The following SECISBP2 variants were observed in gnomAD, a reference collection of about 807,000 sequenced individuals.
The protein encoded by SECISBP2 is SECIS binding protein 2.
A neutral mutation model predicts 98.2 loss-of-function variants in SECISBP2; 96 were observed. That is an observed-to-expected ratio of 0.98 (90% CI 0.83 to 1.16). The LOEUF is 1.16. Among genes scored for constraint, SECISBP2 ranks in the 50% most tolerant of loss-of-function variants. The pLI, the probability that SECISBP2 is intolerant of heterozygous loss-of-function variation, is 0.00. For synonymous variants in SECISBP2, 407 were observed against 370.2 expected (o/e 1.10, Z -1.14); for missense variants, 1,046 against 1,022.9 (o/e 1.02, Z -0.31).
At chr9:89,363,516 G>T (rs1315651063), downstream of SECISBP2, 4 of 1,614,046 alleles carry the variant, frequency 2.5e-6, no homozygotes, top group Non-Finnish European at 3.4e-6. Flanking sequence ...CACCTCTCCT[G>T]GTGGGTCACT....
chr9:89,327,902 C>A (rs1402355197), intron 4 of SECISBP2, among the ~76,000 whole-genome samples: 1 of 152,032 alleles, frequency 6.6e-6, no homozygotes, highest in Non-Finnish European at 1.5e-5. Context: ...CCTCTGCCTC[C>A]CAAGTTCAAG....
chr9:89,336,460 T>C (rs1828734497), intron 7 of SECISBP2, among the ~76,000 whole-genome samples: 1 of 152,180 alleles, frequency 6.6e-6, no homozygotes, highest in African/African-American at 2.4e-5. Flanking sequence ...AAATGTGGCC[T>C]TGTTTAGCGT....
intron 10 of SECISBP2, among the ~76,000 whole-genome samples, chr9:89,343,910 A>AC (rs1830037555): frequency 6.6e-6 from 1 of 152,184 alleles, no homozygotes; most frequent in African/African-American, 2.4e-5. Context: ...CTGCTGAATC[A>AC]CCACACTGCT....
Position 89,318,513 on chromosome 9 carries a change from C to A in SECISBP2, c.-64C>A, listed in dbSNP as rs1363649229. On this transcript the variant is annotated 5_prime_UTR_variant, in exon 1 of 17. It adds an upstream start codon to the 5' untranslated region. Coordinates refer to ENST00000375807, the MANE Select transcript of SECISBP2 (RefSeq NM_024077.5). Reference sequence around the variant, plus strand: ...GCCTGCGGGGGCGGAAACGCTTTGTCTGTCCGGCAAGCCGACGGCCCGCTG... The same window carrying A: ...GCCTGCGGGGGCGGAAACGCTTTGTATGTCCGGCAAGCCGACGGCCCGCTG... 1.3e-6 allele frequency: 2 copies of A among 1,492,446 alleles called. No homozygotes were observed. The highest frequency in any genetic ancestry group is 1.8e-6 in the Non-Finnish European group (2 of 1,116,652). 92.5% of individuals were successfully genotyped at this position (1,492,446 alleles called of 1,614,324 possible). A position where few individuals can be genotyped will look rare whatever the true frequency, so the allele number is the denominator to read the frequency against.
chr9:89,348,822 C>T (rs1003147214), intron 12 of SECISBP2, among the ~76,000 whole-genome samples: 1 of 152,250 alleles, frequency 6.6e-6, no homozygotes, highest in African/African-American at 2.4e-5. Context: ...TCTCTTTGTC[C>T]CCTTTCCTTC....
Position 89,359,048 on chromosome 9 carries a change from T to G in SECISBP2, c.*224T>G, listed in dbSNP as rs891445291. The G allele has an allele frequency of 2.3e-5, 13 of 556,342 alleles. No individual in the cohort carries two copies. The South Asian group carries it at 2.6e-4, about 11-fold the overall frequency. 34.5% of individuals were successfully genotyped at this position (556,342 alleles called of 1,614,324 possible). ...CAGGTGTTAATCTTCTCTAAAAGCC[T>G]GGTGATACAGCTCTGGCTTTCTGAG... is the stretch of plus-strand genomic sequence containing the variant. On this transcript the variant is annotated 3_prime_UTR_variant, in exon 17 of 17. Coordinates refer to ENST00000375807, the MANE Select transcript of SECISBP2 (RefSeq NM_024077.5).
intron 10 of SECISBP2, among the ~76,000 whole-genome samples, chr9:89,345,326 C>T (rs1276092776): frequency 1.3e-5 from 2 of 152,190 alleles, no homozygotes; most frequent in Non-Finnish European, 2.9e-5. Flanking sequence ...GCTTTGAATT[C>T]AGCAAGCCCC....
In SECISBP2 at chr9:89,348,153, T is replaced by C; in HGVS notation, c.1677T>C (p.Asp559=). The part of the protein sequence containing the change: ...ENAVSPAFTS[D]DTQDGESGGD... ...CTGTGAGTCCAGCTTTTACCAGTGATGACACACAAGATGGAGAGAGTGGTG... is the reference window on the plus strand; with the variant it reads ...CTGTGAGTCCAGCTTTTACCAGTGACGACACACAAGATGGAGAGAGTGGTG... Residue 559 remains aspartate (D), a synonymous_variant, in exon 12 of 17, where the codon GAT becomes GAC. Transcript: ENST00000375807. 6.2e-7 allele frequency: 1 copy of C among 1,614,174 alleles called. No homozygotes were observed. The highest frequency in any genetic ancestry group is 8.5e-7 in the Non-Finnish European group (1 of 1,179,978).
rs764096696 is a variant in SECISBP2 at position 89,350,664 on chromosome 9, A to C, written c.1925A>C (p.Asp642Ala). ...AGCCAGATGCTTAGTAAAGAAGTGGATGCTTGTGTTACCGACCTACTCAAA... is the reference window on the plus strand; with the variant it reads ...AGCCAGATGCTTAGTAAAGAAGTGGCTGCTTGTGTTACCGACCTACTCAAA... ...YCSQMLSKEV[D>A]ACVTDLLKEL... Residue 642 changes from aspartate to alanine, a missense_variant, in exon 14 of 17, where the codon GAT becomes GCT. Coordinates refer to ENST00000375807, the MANE Select transcript of SECISBP2 (RefSeq NM_024077.5). 1.7e-5 allele frequency: 28 copies of C among 1,614,026 alleles called. No individual in the cohort carries two copies.
Position 89,358,837 on chromosome 9 carries a change from G to GT in SECISBP2, c.*14dup. The GT allele has an allele frequency of 6.4e-7, 1 of 1,569,044 alleles. No homozygotes were observed. The highest frequency in any genetic ancestry group is 1.7e-4 in the Middle Eastern group (1 of 5,972). On this transcript the variant is annotated 3_prime_UTR_variant, in exon 17 of 17. Transcript: ENST00000375807. ...TTTGAATTTATGAGAGTTCTTGCCT[G>GT]TGTGTCTGTATTTTGGGTAAGGAGG...
chr9:89,327,473 C>T (rs1723357033), intron 4 of SECISBP2, among the ~76,000 whole-genome samples: 1 of 152,154 alleles, frequency 6.6e-6, no homozygotes, highest in Non-Finnish European at 1.5e-5. Context: ...AAAACACAAA[C>T]ATGCAGAAAA....
chr9:89,319,080 C>G (rs1191289389), intron 1 of SECISBP2: 1 of 994,458 alleles, frequency 1.0e-6, no homozygotes, highest in African/African-American at 1.7e-5. Context: ...AAATCTCTTA[C>G]TACGTCACTA....
chr9:89,340,025 A>C (rs1337723696), intron 9 of SECISBP2, 72 bp downstream of exon 9: 1 of 1,109,256 alleles, frequency 9.0e-7, no homozygotes, highest in Non-Finnish European at 1.4e-6. Context: ...CTTGAGAAAA[A>C]CTGCTTTCCA....
chr9:89,340,396 C>T (rs1829478263), intron 9 of SECISBP2, among the ~76,000 whole-genome samples: 1 of 152,178 alleles, frequency 6.6e-6, no homozygotes, highest in Non-Finnish European at 1.5e-5. Flanking sequence ...GATTCCCCTT[C>T]TCTACTCCAC....
At chr9:89,321,462 C>G (rs1030783472) in intron 2 of SECISBP2, among the ~76,000 whole-genome samples, 14 of 151,676 alleles carry the variant, frequency 9.2e-5, no homozygotes, top group African/African-American at 2.4e-4. Context: ...GTCAGGAGTT[C>G]AAGACGAGCC....
intron 10 of SECISBP2, 123 bp from the exon 11 acceptor site, chr9:89,346,759 G>C: frequency 9.8e-7 from 1 of 1,019,698 alleles, no homozygotes; most frequent in Non-Finnish European, 1.5e-6. Context: ...GTGGGGACAA[G>C]CTGGGGGTGA....
chr9:89,362,615 G>A (rs1185660775), downstream of SECISBP2, among the ~76,000 whole-genome samples: 1 of 152,232 alleles, frequency 6.6e-6, no homozygotes, highest in East Asian at 1.9e-4. Context: ...TGACAGGAAG[G>A]CAGAGCAGCA....
intron 1 of SECISBP2, 40 bp downstream of exon 1, chr9:89,318,652 T>C: frequency 7.2e-7 from 1 of 1,384,024 alleles, no homozygotes; most frequent in Non-Finnish European, 9.3e-7. Context: ...CCTCAGTCCG[T>C]CCGCCTGCCT....
In SECISBP2 at chr9:89,349,831, A is replaced by T. The variant is rs766221004; in HGVS notation, c.1794A>T (p.Glu598Asp). 3.1e-6 allele frequency: 5 copies of T among 1,614,114 alleles called. No homozygotes were observed. In the Admixed American group the frequency reaches 8.3e-5, roughly 27 times the overall value. ...CTCCTTCGGTTGAGGACAAGTCTGA[A>T]GAGCCACCAGGCACAGAGCTCCAGA... ...ISTPSVEDKSEEPPGTELQRD... is the reference protein window; with the variant it reads ...ISTPSVEDKSDEPPGTELQRD... The change falls in exon 13 of 17, where the codon GAA becomes GAT. Residue 598 changes from glutamate to aspartate, a missense_variant. By Grantham distance (45) the Glu-to-Asp change is conservative (BLOSUM62 2). Transcript: ENST00000375807.
Sources: allele counts gnomAD v4.1 joint callset (sites outside exome capture counted in the v4.1 genomes callset), GRCh38; gene constraint gnomAD v4.1.1; transcripts MANE v1.5; gene names NCBI Gene and HGNC (gene_info 2026-07-23, HGNC 2026-07-21).